The following NCOA7 variants were observed in gnomAD, a reference collection of about 807,000 sequenced individuals.
NCOA7 encodes 140 kDa estrogen receptor-associated protein.
Under a neutral mutation model 104.3 loss-of-function variants are expected in NCOA7, and 45 were observed. The ratio of observed to expected loss-of-function variants is 0.43; its 90% CI spans 0.34 to 0.55. The LOEUF (loss-of-function observed/expected upper bound fraction) is 0.55, where lower values mean the gene tolerates loss of function less well. NCOA7 is among the 20% of genes least tolerant of loss of function. The pLI, the probability that NCOA7 is intolerant of heterozygous loss-of-function variation, is 0.02. For missense variants in NCOA7, 1,041 were observed against 1,119.7 expected, an observed-to-expected ratio of 0.93 and a Z score of 1.00; for synonymous variants, 398 against 402.3, an observed-to-expected ratio of 0.99 and a Z score of 0.13.
chr6:125,919,167 A>G (rs1583549242), intron 11 of NCOA7: 1 of 1,421,750 alleles, frequency 7.0e-7, no homozygotes, highest in South Asian at 1.4e-5. Flanking sequence ...TCTAAATCCT[A>G]ATTTGGGTGT....
At chr6:125,878,397 T>C in intron 5 of NCOA7, 27 bp downstream of exon 5, 1 of 1,502,278 alleles carries the variant, frequency 6.7e-7, no homozygotes, top group Non-Finnish European at 9.1e-7. Flanking sequence ...TGGATATAAC[T>C]CTAGAAATTC....
At chr6:125,899,800 A>G (rs1562159997) in intron 10 of NCOA7, 2 of 225,694 alleles carry the variant, frequency 8.9e-6, no homozygotes, top group Admixed American at 8.4e-5. Flanking sequence ...ACCACCCCCC[A>G]GTAACTTCAG....
chr6:125,915,228 G>A, intron 10 of NCOA7, 105 bp from the exon 11 acceptor site: 1 of 1,378,466 alleles, frequency 7.3e-7, no homozygotes, highest in Non-Finnish European at 9.9e-7. Context: ...TTAGTAAAAT[G>A]GATTTGCCAA....
At chr6:125,885,114 G>A in intron 7 of NCOA7, 45 bp from the exon 8 acceptor site, 1 of 1,600,356 alleles carries the variant, frequency 6.2e-7, no homozygotes, top group Non-Finnish European at 8.5e-7. Flanking sequence ...GTTGCTGAAA[G>A]CATTTCTGCC....
intron 2 of NCOA7, among the ~76,000 whole-genome samples, chr6:125,828,854 T>G (rs1464840250): frequency 6.6e-6 from 1 of 152,148 alleles, no homozygotes; most frequent in Admixed American, 6.5e-5. Flanking sequence ...CTCACTATGG[T>G]ATTAGTTTTC....
At chr6:125,926,770 C>T (rs1157271619) in intron 13 of NCOA7, among the ~76,000 whole-genome samples, 1 of 152,172 alleles carries the variant, frequency 6.6e-6, no homozygotes, top group Non-Finnish European at 1.5e-5. Context: ...AATGCTATGA[C>T]ATTTTCCAGA....
Position 125,889,017 on chromosome 6 carries a change from A to T in NCOA7, c.963A>T (p.Pro321=). 6.2e-7 allele frequency: 1 copy of T among 1,613,972 alleles called. No individual in the cohort carries two copies. The highest frequency in any genetic ancestry group is 8.5e-7 in the Non-Finnish European group (1 of 1,179,916). The change falls in exon 9 of 16, where the codon CCA becomes CCT. Residue 321 remains proline (P), a synonymous_variant. Coordinates refer to ENST00000392477, the MANE Select transcript of NCOA7 (RefSeq NM_181782.5). ...TGGCTTCAGAAAAGGATATCAACCC[A>T]TTCAGTAAGTTCAAATCTATCAACA... ...EDLASEKDIN[P]FSKFKSINKE...
intron 10 of NCOA7, among the ~76,000 whole-genome samples, chr6:125,911,502 T>G (rs929837234): frequency 6.6e-6 from 1 of 152,252 alleles, no homozygotes; most frequent in Non-Finnish European, 1.5e-5. Flanking sequence ...TTCATTTTTC[T>G]TAGCCCTTAT....
intron 1 of NCOA7, among the ~76,000 whole-genome samples, chr6:125,806,958 A>G (rs2128559723): frequency 6.6e-6 from 1 of 152,332 alleles, no homozygotes; most frequent in Middle Eastern, 3.4e-3. Flanking sequence ...GTTGAATTTG[A>G]TAAGGCTGAG....
intron 3 of NCOA7, among the ~76,000 whole-genome samples, chr6:125,858,841 G>A (rs1434393014): frequency 6.6e-6 from 1 of 151,978 alleles, no homozygotes; most frequent in Non-Finnish European, 1.5e-5. Context: ...CTCTCCCAGC[G>A]TCTGACCTGG....
At chr6:125,865,700 G>T (rs1220211601) in intron 3 of NCOA7, among the ~76,000 whole-genome samples, 1 of 136,648 alleles carries the variant, frequency 7.3e-6, no homozygotes, top group Non-Finnish European at 1.6e-5. Context: ...CTCTCTCTCT[G>T]TTGTCCAGGC....
chr6:125,872,783 T>C (rs1194893470), intron 3 of NCOA7, among the ~76,000 whole-genome samples: 1 of 152,244 alleles, frequency 6.6e-6, no homozygotes, highest in Non-Finnish European at 1.5e-5. Flanking sequence ...GATTGCACTT[T>C]TGAATCTCCT....
chr6:125,828,453 T>C (rs1023703780), intron 2 of NCOA7, among the ~76,000 whole-genome samples: 2 of 152,168 alleles, frequency 1.3e-5, no homozygotes, highest in Non-Finnish European at 2.9e-5. Context: ...GAGACCAAGC[T>C]TCTAGCTAAT....
At chr6:125,886,359 CCAAA>C (rs1288877963) in intron 8 of NCOA7, among the ~76,000 whole-genome samples, 1 of 152,046 alleles carries the variant, frequency 6.6e-6, no homozygotes, top group Non-Finnish European at 1.5e-5. Context: ...AAATGGGTGG[CCAAA>C]CAAATAGGGG....
Position 125,912,438 on chromosome 6 carries a change from C to T in NCOA7, c.2097-2895C>T, listed in dbSNP as rs1246994171. 2.0e-5 allele frequency among the ~76,000 whole-genome samples: 3 copies of T among 152,146 alleles called. No homozygotes were observed. In the East Asian group the frequency reaches 5.8e-4, roughly 29 times the overall value. Reference sequence around the variant, plus strand: ...ATGTATATTTACTCGTTTTCCTTCTCCTAATTGGAGTCAAAGGATTGAGAA... The same window carrying T: ...ATGTATATTTACTCGTTTTCCTTCTTCTAATTGGAGTCAAAGGATTGAGAA... On this transcript the variant is annotated intron_variant, in intron 10 of 15. Transcript: ENST00000392477.
At chr6:125,904,064 C>T (rs1286127603) in intron 10 of NCOA7, among the ~76,000 whole-genome samples, 1 of 152,160 alleles carries the variant, frequency 6.6e-6, no homozygotes, top group African/African-American at 2.4e-5. Context: ...ACTGGGACTG[C>T]CCCACCACAC....
At chr6:125,815,690 C>T (rs910591597) in intron 2 of NCOA7, among the ~76,000 whole-genome samples, 2 of 152,212 alleles carry the variant, frequency 1.3e-5, no homozygotes, top group Non-Finnish European at 2.9e-5. Flanking sequence ...CCATGTTTAG[C>T]AACCTACCTT....
At chr6:125,791,674 T>G (rs919050950) in intron 1 of NCOA7, among the ~76,000 whole-genome samples, 3 of 152,164 alleles carry the variant, frequency 2.0e-5, no homozygotes, top group Non-Finnish European at 4.4e-5. Context: ...GCTGAGTATT[T>G]AGGAGCCTCT....
Position 125,928,067 on chromosome 6 carries a change from A to G in NCOA7, c.2620-107A>G, listed in dbSNP as rs564871434. 133 of 1,054,636 alleles carry G rather than the reference A, an allele frequency of 1.3e-4. 1 individual carries two copies. The South Asian group carries it at 1.6e-3, about 12-fold the overall frequency. The allele number at this position is 1,054,636 out of a possible 1,614,324, so 65.3% of individuals were successfully genotyped here. ...TGGCAGTCAGGAACTTCCTCCGTCA[A>G]TGGGGTGAGGTGGTTCCCTTTTACA... On this transcript the variant is annotated intron_variant, in intron 14 of 15. Transcript: ENST00000392477.
Sources: allele counts gnomAD v4.1 joint callset (sites outside exome capture counted in the v4.1 genomes callset), GRCh38; gene constraint gnomAD v4.1.1; transcripts MANE v1.5; gene names NCBI Gene and HGNC (gene_info 2026-07-23, HGNC 2026-07-21).